The following NUFIP2 variants were observed in gnomAD, a reference collection of about 807,000 sequenced individuals.
The protein encoded by NUFIP2 is nuclear FMR1 interacting protein 2.
In NUFIP2, 6 loss-of-function variants were observed where a neutral mutation model predicts 56.9. The ratio of observed to expected loss-of-function variants is 0.11; its 90% CI spans 0.06 to 0.21. The LOEUF (loss-of-function observed/expected upper bound fraction) is 0.21, where lower values mean the gene tolerates loss of function less well. NUFIP2 is among the 10% of genes least tolerant of loss of function. The pLI, the probability that NUFIP2 is intolerant of heterozygous loss-of-function variation, is 1.00. For synonymous variants in NUFIP2, 321 were observed against 298.2 expected, an observed-to-expected ratio of 1.08 and a Z score of -0.79; for missense variants, 828 against 826.8, an observed-to-expected ratio of 1.00 and a Z score of -0.02.
rs2069105825 is a variant in NUFIP2, at chr17:29,276,024, T to C, written c.2003-8494A>G. On this transcript the variant is annotated intron_variant, in intron 2 of 3. Coordinates refer to ENST00000225388, the MANE Select transcript of NUFIP2 (RefSeq NM_020772.3). Reference sequence around the variant, plus strand: ...GCCTAGGTGACAGAGTAAGACTCCGTCTCAAATATATATATATATATATAT... The same window carrying C: ...GCCTAGGTGACAGAGTAAGACTCCGCCTCAAATATATATATATATATATAT... 5.6e-5 allele frequency among the ~76,000 whole-genome samples: 6 copies of C among 107,804 alleles called. No individual in the cohort carries two copies. The South Asian group carries it at 2.1e-3, about 37-fold the overall frequency. 70.7% of individuals were successfully genotyped at this position (107,804 alleles called of 152,430 possible).
intron 2 of NUFIP2, among the ~76,000 whole-genome samples, chr17:29,280,414 G>C (rs1598433428): frequency 1.3e-5 from 2 of 152,160 alleles, no homozygotes; most frequent in Non-Finnish European, 2.9e-5. Context: ...ACAGTTATAT[G>C]TCCCAGGTAT....
At chr17:29,280,881 G>A (rs568881312) in intron 2 of NUFIP2, among the ~76,000 whole-genome samples, 34 of 151,684 alleles carry the variant, frequency 2.2e-4, no homozygotes, top group Middle Eastern at 3.4e-3. Flanking sequence ...CCAGTTACTC[G>A]GGAGGCTGAG....
chr17:29,292,306 T>C (rs1016502352), intron 1 of NUFIP2, among the ~76,000 whole-genome samples: 2 of 152,160 alleles, frequency 1.3e-5, no homozygotes, highest in South Asian at 4.2e-4. Context: ...GCTCGCACTC[T>C]TCCCCATCCT....
At chr17:29,285,513 C>T (rs1220239989) in intron 2 of NUFIP2, among the ~76,000 whole-genome samples, 1 of 131,306 alleles carries the variant, frequency 7.6e-6, no homozygotes, top group Non-Finnish European at 1.7e-5. Context: ...ATCACTTGAA[C>T]CTGGGAGGTG....
intron 1 of NUFIP2, among the ~76,000 whole-genome samples, 198 bp downstream of exon 1, chr17:29,293,585 A>T (rs993968245): frequency 2.0e-5 from 3 of 151,910 alleles, no homozygotes; most frequent in Non-Finnish European, 4.4e-5. Context: ...GGCCTCTCCC[A>T]TGCTGGAGGG....
chr17:29,290,793 T>C (rs1322801894), intron 1 of NUFIP2, among the ~76,000 whole-genome samples: 1 of 152,166 alleles, frequency 6.6e-6, no homozygotes, highest in Non-Finnish European at 1.5e-5. Context: ...TCATTTAATA[T>C]GCTAACAGGT....
At chr17:29,292,687 G>A (rs1425828088) in intron 1 of NUFIP2, among the ~76,000 whole-genome samples, 1 of 149,284 alleles carries the variant, frequency 6.7e-6, no homozygotes, top group African/African-American at 2.4e-5. Flanking sequence ...TTCGAGGCCG[G>A]CTCCCCGCCC....
In NUFIP2 at chr17:29,294,044, C is replaced by T. The variant is rs767187373; in HGVS notation, c.16G>A (p.Gly6Ser). Reference sequence around the variant, plus strand: ...TGATGGTGCTGAGGCTGTGGCTGGCCGGGCTTCTCCTCCATTGAAAGCGGC... The same window carrying T: ...TGATGGTGCTGAGGCTGTGGCTGGCTGGGCTTCTCCTCCATTGAAAGCGGC... MEEKPGQPQPQHHHSH... is the reference protein window; with the variant it reads MEEKPSQPQPQHHHSH... Residue 6 changes from glycine to serine, a missense_variant, in exon 1 of 4, where the codon GGC becomes AGC. By Grantham distance (56) the Gly-to-Ser change is moderately conservative. Around this residue, in one of 3 missense-constraint regions of NUFIP2, gnomAD observed 415 missense variants for 408.7 expected, o/e 1.02. Coordinates refer to ENST00000225388, the MANE Select transcript of NUFIP2 (RefSeq NM_020772.3). 3.7e-6 allele frequency: 6 copies of T among 1,600,982 alleles called. 1 individual carries two copies. The South Asian group carries it at 6.7e-5, about 18-fold the overall frequency.
intron 2 of NUFIP2, among the ~76,000 whole-genome samples, chr17:29,281,098 C>G (rs1366690023): frequency 6.9e-6 from 1 of 144,916 alleles, no homozygotes; most frequent in Non-Finnish European, 1.5e-5. Context: ...AGTTCAAGAC[C>G]AGCCTGGGTA....
At chr17:29,293,645 A>G (rs2069232411) in intron 1 of NUFIP2, 138 bp downstream of exon 1, 3 of 918,650 alleles carry the variant, frequency 3.3e-6, no homozygotes, top group African/African-American at 1.7e-5. Context: ...TCTAGAATGA[A>G]AGGGGCATCC....
At chr17:29,291,873 G>A (rs1337750306) in intron 1 of NUFIP2, among the ~76,000 whole-genome samples, 1 of 152,166 alleles carries the variant, frequency 6.6e-6, no homozygotes, top group Non-Finnish European at 1.5e-5. Flanking sequence ...TCCCTACGAA[G>A]TCCCAAAATG....
intron 2 of NUFIP2, among the ~76,000 whole-genome samples, chr17:29,272,871 TGA>T (rs1215055812): frequency 3.9e-5 from 6 of 151,916 alleles, no homozygotes; most frequent in African/African-American, 7.3e-5. Context: ...TTCTTTTTTT[TGA>T]GAGAGTCTTG....
chr17:29,289,829 T>C (rs1162823494), intron 1 of NUFIP2, among the ~76,000 whole-genome samples: 1 of 152,176 alleles, frequency 6.6e-6, no homozygotes, highest in African/African-American at 2.4e-5. Context: ...TTCTCCTGTA[T>C]TAAAGTAACC....
At chr17:29,293,659 G>T in intron 1 of NUFIP2, 124 bp downstream of exon 1, 1 of 1,055,364 alleles carries the variant, frequency 9.5e-7, no homozygotes, top group Non-Finnish European at 1.3e-6. Flanking sequence ...GGCATCCCCA[G>T]AGCCGGAGGG....
intron 3 of NUFIP2, among the ~76,000 whole-genome samples, 154 bp downstream of exon 3, chr17:29,267,344 C>A (rs1049869339): frequency 1.3e-5 from 2 of 152,074 alleles, no homozygotes; most frequent in African/African-American, 4.8e-5. Flanking sequence ...ATGAGCCACC[C>A]TGCCCAGCTG....
At position 29,264,559 on chromosome 17, in the gene NUFIP2, T is replaced by C; in HGVS notation, c.2068A>G (p.Met690Val). ...GTCCTTCATTGATCTGGACTATCCATGGCTTCATTGTAAGTGATTATCCTT... is the reference window on the plus strand; with the variant it reads ...GTCCTTCATTGATCTGGACTATCCACGGCTTCATTGTAAGTGATTATCCTT... ...PKRIITYNEA[M>V]DSPDQ Residue 690 changes from methionine to valine, a missense_variant, in exon 4 of 4, where the codon ATG becomes GTG. Coordinates refer to ENST00000225388, the MANE Select transcript of NUFIP2 (RefSeq NM_020772.3). 6.2e-7 allele frequency: 1 copy of C among 1,608,476 alleles called. No individual in the cohort carries two copies. Among genetic ancestry groups the C allele is most frequent in the Non-Finnish European group, 8.5e-7 (1 of 1,175,142 alleles).
At position 29,264,591 on chromosome 17, in the gene NUFIP2, T is replaced by C; in HGVS notation, c.2036A>G (p.Asp679Gly). Reference sequence around the variant, plus strand: ...ATTGTAAGTGATTATCCTTTTGGGATCTAGAAAGGTTAAAAAAATAAATAA... The same window carrying C: ...ATTGTAAGTGATTATCCTTTTGGGACCTAGAAAGGTTAAAAAAATAAATAA... Reference protein sequence around the residue: ...MESIWNLQKQDPKRIITYNEA... With the variant: ...MESIWNLQKQGPKRIITYNEA... The change falls in exon 4 of 4, where the codon GAT becomes GGT. Residue 679 changes from aspartate (D) to glycine (G), a missense_variant and splice_region_variant. Transcript: ENST00000225388. 1.3e-6 allele frequency: 2 copies of C among 1,582,258 alleles called. No homozygotes were observed. Among genetic ancestry groups the C allele is most frequent in the Non-Finnish European group, 1.7e-6 (2 of 1,151,814 alleles).
Position 29,264,474 on chromosome 17 carries a change from CT to C in NUFIP2, c.*64del. 1 of 1,092,762 alleles carries C rather than the reference CT, an allele frequency of 9.2e-7. No homozygotes were observed. The highest frequency in any genetic ancestry group is 1.4e-6 in the Non-Finnish European group (1 of 719,072). The allele number at this position is 1,092,762 out of a possible 1,614,324, so 67.7% of individuals were successfully genotyped here. A position where few individuals can be genotyped will look rare whatever the true frequency, so the allele number is the denominator to read the frequency against. On this transcript the variant is annotated 3_prime_UTR_variant, in exon 4 of 4. Transcript: ENST00000225388. ...GTTGAAGATCTAGGAGCATAAAAGC[CT>C]TGTGTCCCCCATGAACGATGGCTCT...
intron 2 of NUFIP2, among the ~76,000 whole-genome samples, chr17:29,281,703 A>C (rs1338754903): frequency 1.3e-5 from 2 of 150,466 alleles, no homozygotes; most frequent in East Asian, 3.9e-4. Context: ...AAAAAAAAAA[A>C]AAAAAACAGC....
Sources: gnomAD v4.1 joint callset for allele counts (sites outside exome capture counted in the v4.1 genomes callset) on GRCh38, gnomAD v4.1.1 for gene constraint, gnomAD v4.1.1 regional missense constraint, MANE v1.5 for transcripts, NCBI Gene and HGNC (gene_info 2026-07-23, HGNC 2026-07-21) for gene names.